LRRIQ3: variants seen among roughly 807,000 people sequenced by gnomAD.
LRRIQ3 encodes leucine rich repeats and IQ motif containing 3.
Under a neutral mutation model 59.3 loss-of-function variants are expected in LRRIQ3, and 75 were observed. That is an observed-to-expected ratio of 1.26 (90% CI 1.05 to 1.53). The LOEUF (loss-of-function observed/expected upper bound fraction) is 1.53. LRRIQ3 is among the 40% of genes most tolerant of loss of function. The pLI is 0.00. For synonymous variants in LRRIQ3, 250 were observed against 231.3 expected (o/e 1.08, Z -0.73); for missense variants, 831 against 710.0 (o/e 1.17, Z -1.94).
chr1:74,126,564 G>A (rs1034138076), intron 4 of LRRIQ3, among the ~76,000 whole-genome samples: 9 of 151,642 alleles, frequency 5.9e-5, no homozygotes, highest in African/African-American at 9.7e-5. Flanking sequence ...ATTATCATTC[G>A]TTTAAAGAAA....
chr1:74,143,675 C>G (rs1218447024), intron 4 of LRRIQ3, among the ~76,000 whole-genome samples: 1 of 151,474 alleles, frequency 6.6e-6, no homozygotes, highest in Admixed American at 6.6e-5. Flanking sequence ...TGAACACACT[C>G]AGCATTCAGA....
intron 5 of LRRIQ3, among the ~76,000 whole-genome samples, chr1:74,081,313 A>G (rs1386860007): frequency 6.6e-6 from 1 of 151,642 alleles, no homozygotes; most frequent in Non-Finnish European, 1.5e-5. Flanking sequence ...TGTCCAGTTT[A>G]AGAACACATG....
chr1:74,048,176 C>T (rs896747157), intron 6 of LRRIQ3, among the ~76,000 whole-genome samples: 6 of 152,122 alleles, frequency 3.9e-5, no homozygotes, highest in Admixed American at 1.3e-4. Context: ...AGGAAGTTCC[C>T]TCTCCTGAAT....
intron 1 of LRRIQ3, among the ~76,000 whole-genome samples, chr1:74,184,273 C>G (rs1650210813): frequency 6.6e-6 from 1 of 151,946 alleles, no homozygotes. Context: ...ATTCTAATAG[C>G]TTTAAATTTT....
At chr1:74,078,408 A>C (rs1482087753) in intron 5 of LRRIQ3, among the ~76,000 whole-genome samples, 1 of 151,930 alleles carries the variant, frequency 6.6e-6, no homozygotes, top group East Asian at 1.9e-4. Context: ...AATCTAAGAT[A>C]GTGTCAACAG....
rs149908249 is a variant in LRRIQ3 at position 74,132,665 on chromosome 1, A to G, written c.707+23068T>C. Among the ~76,000 whole-genome samples, 122 of 152,306 alleles carry G rather than the reference A, an allele frequency of 8.0e-4. 3 individuals carry two copies. The East Asian group carries it at 0.021, about 27-fold the overall frequency. ...CTGGGGAAACTGGCTAGCCATATGTAGAAAGCTGAAACTGGATGCCTTCCT... is the reference window on the plus strand; with the variant it reads ...CTGGGGAAACTGGCTAGCCATATGTGGAAAGCTGAAACTGGATGCCTTCCT... On this transcript the variant is annotated intron_variant, in intron 4 of 7. Transcript: ENST00000354431.
intron 6 of LRRIQ3, among the ~76,000 whole-genome samples, chr1:74,043,668 TTC>T (rs1190432718): frequency 6.6e-5 from 10 of 152,112 alleles, no homozygotes; most frequent in East Asian, 1.9e-4. Flanking sequence ...CCTAATTTCT[TTC>T]TCTGTTTTCA....
rs796516046 is a variant in LRRIQ3, at chr1:74,039,341, C to T, written c.1718+1872G>A. Among the ~76,000 whole-genome samples, 3 of 152,094 alleles carry T rather than the reference C, an allele frequency of 2.0e-5. No homozygotes were observed. In the South Asian group the frequency reaches 6.2e-4, roughly 32 times the overall value. ...ATGGGACTATGTAAAAAAAAATGAA[C>T]CTATGACTGACTGGAGTACCTGAAG... On this transcript the variant is annotated intron_variant, in intron 7 of 7. Transcript: ENST00000354431.
At chr1:74,046,845 G>T (rs1433211256) in intron 6 of LRRIQ3, among the ~76,000 whole-genome samples, 1 of 151,994 alleles carries the variant, frequency 6.6e-6, no homozygotes, top group Non-Finnish European at 1.5e-5. Flanking sequence ...AAACATATGA[G>T]AAAAAGCTCA....
rs188801930 is a variant in LRRIQ3, at chr1:74,159,261, C to A, written c.574-3395G>T. 1.1e-4 allele frequency among the ~76,000 whole-genome samples: 16 copies of A among 152,194 alleles called. No individual in the cohort carries two copies. The East Asian group carries it at 3.1e-3, about 29-fold the overall frequency. On this transcript the variant is annotated intron_variant, in intron 3 of 7. Coordinates refer to ENST00000354431, the MANE Select transcript of LRRIQ3 (RefSeq NM_001105659.2). The stretch of plus-strand genomic sequence containing the variant: ...TTGAATAAGGTCTCTATTTATTAAT[C>A]CTGATGTTTTTAGCTGACAAATTAT...
chr1:74,081,094 T>C (rs1646268970), intron 5 of LRRIQ3, among the ~76,000 whole-genome samples: 1 of 151,612 alleles, frequency 6.6e-6, no homozygotes, highest in Admixed American at 6.6e-5. Context: ...ATTGCTACTA[T>C]CCTGCATTTG....
chr1:74,114,265 A>G (rs1646747092), intron 4 of LRRIQ3, among the ~76,000 whole-genome samples: 1 of 152,080 alleles, frequency 6.6e-6, no homozygotes, highest in Non-Finnish European at 1.5e-5. Flanking sequence ...ACAGTTTTAT[A>G]ATGTAACAAT....
chr1:74,141,982 TACACACACACAC>T (rs66546682), intron 4 of LRRIQ3, among the ~76,000 whole-genome samples: 5 of 150,390 alleles, frequency 3.3e-5, no homozygotes, highest in African/African-American at 1.2e-4. Flanking sequence ...ATTCCATTTA[TACACACACACAC>T]ACACACACAC....
intron 3 of LRRIQ3, among the ~76,000 whole-genome samples, chr1:74,173,481 A>G (rs1649453589): frequency 6.6e-6 from 1 of 151,660 alleles, no homozygotes; most frequent in Non-Finnish European, 1.5e-5. Flanking sequence ...TTATACTGCT[A>G]TGCTTTGATG....
chr1:74,065,452 G>A (rs968522701), intron 6 of LRRIQ3, among the ~76,000 whole-genome samples: 1 of 150,616 alleles, frequency 6.6e-6, no homozygotes, highest in African/African-American at 2.4e-5. Flanking sequence ...TGACATCAGA[G>A]TAAAATAATA....
intron 6 of LRRIQ3, among the ~76,000 whole-genome samples, chr1:74,071,647 G>A (rs115277017): frequency 8.2e-4 from 125 of 152,136 alleles, no homozygotes; most frequent in African/African-American, 2.9e-3. Context: ...TTTGATTTGT[G>A]TCATTCTAAT....
At chr1:74,193,540 A>G (rs1049722733) in intron 1 of LRRIQ3, among the ~76,000 whole-genome samples, 5 of 152,168 alleles carry the variant, frequency 3.3e-5, no homozygotes, top group African/African-American at 4.8e-5. Flanking sequence ...ATTAAATATT[A>G]AGAAGTAAAA....
At chr1:74,154,373 T>G (rs1281091477) in intron 4 of LRRIQ3, among the ~76,000 whole-genome samples, 1 of 151,890 alleles carries the variant, frequency 6.6e-6, no homozygotes, top group Admixed American at 6.6e-5. Context: ...CCCCTGTTCT[T>G]TACAATTTTA....
At chr1:74,191,179 T>C (rs1397938299) in intron 1 of LRRIQ3, among the ~76,000 whole-genome samples, 3 of 152,166 alleles carry the variant, frequency 2.0e-5, no homozygotes, top group African/African-American at 4.8e-5. Flanking sequence ...TCAAAAACTA[T>C]ATCAAGGACA....
Sources: allele counts gnomAD v4.1 joint callset (sites outside exome capture counted in the v4.1 genomes callset), GRCh38; gene constraint gnomAD v4.1.1; transcripts MANE v1.5; gene names NCBI Gene and HGNC (gene_info 2026-07-23, HGNC 2026-07-21).